The following GALM variants were observed in gnomAD, a reference collection of about 807,000 sequenced individuals.
GALM encodes the protein aldose 1-epimerase.
Under a neutral mutation model 37.4 loss-of-function variants are expected in GALM, and 43 were observed. That is an observed-to-expected ratio of 1.15 (90% CI 0.90 to 1.48). The LOEUF (loss-of-function observed/expected upper bound fraction) is 1.48, where lower values mean the gene tolerates loss of function less well. Among genes scored for constraint, GALM ranks in the 40% most tolerant of loss-of-function variants. The pLI, the probability that GALM is intolerant of heterozygous loss-of-function variation, is 0.00. For synonymous variants in GALM, 199 were observed against 170.6 expected (o/e 1.17, Z -1.30); for missense variants, 456 against 419.1 (o/e 1.09, Z -0.77).
At chr2:38,718,778 C>T (rs1445150616) in intron 4 of GALM, among the ~76,000 whole-genome samples, 2 of 151,768 alleles carry the variant, frequency 1.3e-5, no homozygotes, top group Non-Finnish European at 2.9e-5. Context: ...CGTCAAGAGT[C>T]AACGACTCTT....
At chr2:38,680,050 T>A in intron 2 of GALM, 1 of 455,652 alleles carries the variant, frequency 2.2e-6, no homozygotes, top group Non-Finnish European at 4.4e-6. Flanking sequence ...TGTCTTACTC[T>A]GTCACCCAGA....
intron 4 of GALM, among the ~76,000 whole-genome samples, chr2:38,695,647 C>T (rs1405729866): frequency 2.0e-5 from 3 of 152,128 alleles, no homozygotes; most frequent in African/African-American, 7.2e-5. Context: ...GCTTTCCACC[C>T]CAAATCCTTG....
chr2:38,730,738 T>C (rs906190156), intron 5 of GALM, among the ~76,000 whole-genome samples: 2 of 150,954 alleles, frequency 1.3e-5, no homozygotes, highest in African/African-American at 4.9e-5. Context: ...CTCGCCAACA[T>C]GGTGAAACGC....
intron 4 of GALM, among the ~76,000 whole-genome samples, chr2:38,726,434 G>C (rs1666487875): frequency 6.6e-6 from 1 of 151,048 alleles, no homozygotes; most frequent in Non-Finnish European, 1.5e-5. Flanking sequence ...CACCGTTTTA[G>C]CCGGGATGGT....
intron 3 of GALM, among the ~76,000 whole-genome samples, chr2:38,688,532 A>T (rs1219650181): frequency 6.6e-6 from 1 of 152,016 alleles, no homozygotes; most frequent in Non-Finnish European, 1.5e-5. Context: ...AAAAAGTCAA[A>T]TGTCAAATAT....
At chr2:38,689,400 C>T (rs1006218621) in intron 3 of GALM, among the ~76,000 whole-genome samples, 5 of 152,120 alleles carry the variant, frequency 3.3e-5, no homozygotes, top group Non-Finnish European at 2.9e-5. Flanking sequence ...CAGGTGCACC[C>T]CCAGGAGTGA....
chr2:38,698,780 ATTGT>A (rs974823256), intron 4 of GALM, among the ~76,000 whole-genome samples: 3 of 151,890 alleles, frequency 2.0e-5, no homozygotes, highest in African/African-American at 7.3e-5. Flanking sequence ...TTGTTTATAT[ATTGT>A]TTGTTTTTGA....
chr2:38,702,519 T>C (rs918885909), intron 4 of GALM, among the ~76,000 whole-genome samples: 3 of 152,058 alleles, frequency 2.0e-5, no homozygotes, highest in Admixed American at 1.3e-4. Context: ...TTACCCTCCT[T>C]CTTCAAGAGT....
At chr2:38,731,986 A>G (rs1666618846) in intron 6 of GALM, 77 bp downstream of exon 6, 2 of 1,153,122 alleles carry the variant, frequency 1.7e-6, no homozygotes, top group Non-Finnish European at 2.5e-6. Context: ...CTACACTCGA[A>G]TCAGCTTGTA....
chr2:38,689,312 T>A (rs1412860869), intron 3 of GALM, among the ~76,000 whole-genome samples: 1 of 152,126 alleles, frequency 6.6e-6, no homozygotes, highest in East Asian at 1.9e-4. Context: ...AAGCAGGGAC[T>A]GCGGTTCTGA....
At chr2:38,698,508 C>T in intron 4 of GALM, 6 of 717,592 alleles carry the variant, frequency 8.4e-6, no homozygotes, top group Non-Finnish European at 1.2e-5. Context: ...TTATTCTTAG[C>T]TACTTAAAAA....
intron 4 of GALM, among the ~76,000 whole-genome samples, chr2:38,716,596 T>C (rs1666274033): frequency 6.6e-6 from 1 of 152,210 alleles, no homozygotes; most frequent in Non-Finnish European, 1.5e-5. Flanking sequence ...TCATAACTTT[T>C]ATAATATTCT....
intron 4 of GALM, among the ~76,000 whole-genome samples, chr2:38,702,950 A>ATAT (rs1665948436): frequency 7.4e-6 from 1 of 135,744 alleles, no homozygotes; most frequent in African/African-American, 2.7e-5. Flanking sequence ...ATATATATAT[A>ATAT]ATATGTGTAA....
In GALM at chr2:38,732,730, G is replaced by A. The variant is rs755598078; in HGVS notation, c.952-758G>A. 4.0e-5 allele frequency among the ~76,000 whole-genome samples: 6 copies of A among 151,832 alleles called. No homozygotes were observed. The South Asian group carries it at 8.3e-4, about 21-fold the overall frequency. Reference sequence around the variant, plus strand: ...GAGCCTGAGATTGAGGCTAACCTGGGCAACACAGGGAGACCCCATCTTTAC... The same window carrying A: ...GAGCCTGAGATTGAGGCTAACCTGGACAACACAGGGAGACCCCATCTTTAC... On this transcript the variant is annotated intron_variant, in intron 6 of 6. Coordinates refer to ENST00000272252, the MANE Select transcript of GALM (RefSeq NM_138801.3).
rs114775922 is a variant in GALM at position 38,700,962 on chromosome 2, C to T, written c.634+11068C>T. On this transcript the variant is annotated intron_variant, in intron 4 of 6. Coordinates refer to ENST00000272252, the MANE Select transcript of GALM (RefSeq NM_138801.3). Reference sequence around the variant, plus strand: ...TATCATTTCACTTCCAGATGTGGGACTCCCTTGAGCATTTCTTATAAGGCT... The same window carrying T: ...TATCATTTCACTTCCAGATGTGGGATTCCCTTGAGCATTTCTTATAAGGCT... Among the ~76,000 whole-genome samples the T allele has an allele frequency of 3.4e-3, 523 of 152,230 alleles. 6 individuals carry two copies. Among genetic ancestry groups the T allele is most frequent in the African/African-American group, 0.012 (501 of 41,522 alleles).
At chr2:38,677,197 G>C (rs1057021504) in intron 2 of GALM, among the ~76,000 whole-genome samples, 1 of 152,184 alleles carries the variant, frequency 6.6e-6, no homozygotes, top group Non-Finnish European at 1.5e-5. Flanking sequence ...CTAATTTCAG[G>C]CTGTGCAGGA....
intron 4 of GALM, among the ~76,000 whole-genome samples, chr2:38,708,946 G>A (rs951584107): frequency 1.3e-5 from 2 of 152,120 alleles, no homozygotes; most frequent in Admixed American, 6.6e-5. Flanking sequence ...GGCCTCTGCC[G>A]GTGCTTCTGT....
At chr2:38,683,766 C>G (rs767475493) in intron 3 of GALM, among the ~76,000 whole-genome samples, 2 of 152,144 alleles carry the variant, frequency 1.3e-5, no homozygotes, top group Non-Finnish European at 2.9e-5. Context: ...GGGGTTTCAC[C>G]ATGTTGCCCA....
rs369053083 is a variant in GALM at position 38,681,273 on chromosome 2, T to C, written c.346-7T>C. The C allele has an allele frequency of 6.2e-7, 1 of 1,611,994 alleles. No individual in the cohort carries two copies. Among genetic ancestry groups the C allele is most frequent in the African/African-American group, 1.3e-5 (1 of 74,878 alleles). On this transcript the variant is annotated splice_region_variant and splice_polypyrimidine_tract_variant and intron_variant, in intron 2 of 6. Coordinates refer to ENST00000272252, the MANE Select transcript of GALM (RefSeq NM_138801.3). ...AACTACACAACTTTGAAAACACTTT[T>C]TTCCAGGTGCTCTGGACCCCTCGGG...
Sources: gnomAD v4.1 joint callset for allele counts (sites outside exome capture counted in the v4.1 genomes callset) on GRCh38, gnomAD v4.1.1 for gene constraint, MANE v1.5 for transcripts, NCBI Gene and HGNC (gene_info 2026-07-23, HGNC 2026-07-21) for gene names.